The following CDK18 variants were observed in gnomAD, a reference collection of about 807,000 sequenced individuals.
CDK18 encodes cyclin-dependent kinase 18.
In CDK18, 52 loss-of-function variants were observed where a neutral mutation model predicts 62.0. The ratio of observed to expected loss-of-function variants is 0.84; its 90% CI spans 0.67 to 1.06. The LOEUF (loss-of-function observed/expected upper bound fraction) is 1.06, where lower values mean the gene tolerates loss of function less well. CDK18 is among the 50% of genes least tolerant of loss of function. The probability of loss-of-function intolerance (pLI) is 0.00; values close to 1 mark genes in which losing one functional copy is unlikely to be tolerated. For synonymous variants in CDK18, 237 were observed against 247.0 expected (o/e 0.96, Z 0.38); for missense variants, 604 against 619.9 (o/e 0.97, Z 0.27).
chr1:205,519,871 G>T (rs12404390), intron 1 of CDK18, among the ~76,000 whole-genome samples: 1 of 151,940 alleles, frequency 6.6e-6, no homozygotes, highest in Non-Finnish European at 1.5e-5. Flanking sequence ...GAGATTTATG[G>T]TTGCTACTTG....
intron 1 of CDK18, among the ~76,000 whole-genome samples, chr1:205,521,136 A>G (rs1267451589): frequency 6.6e-6 from 1 of 152,210 alleles, no homozygotes; most frequent in African/African-American, 2.4e-5. Context: ...TTTCTTGAGA[A>G]TGGGGACCAC....
At chr1:205,514,250 G>A (rs1442305803) in intron 1 of CDK18, among the ~76,000 whole-genome samples, 9 of 152,194 alleles carry the variant, frequency 5.9e-5, no homozygotes, top group Non-Finnish European at 1.3e-4. Flanking sequence ...GAGATGCAGA[G>A]GTCCCCATGG....
chr1:205,524,504 T>A, intron 4 of CDK18, 147 bp downstream of exon 4: 3 of 819,204 alleles, frequency 3.7e-6, no homozygotes, highest in Non-Finnish European at 3.9e-6. Context: ...TGCATTCAAC[T>A]AGCTCGTCCT....
rs1210404237 is a variant in CDK18 at position 205,525,009 on chromosome 1, G to A, written c.400-130G>A. 3 of 559,846 alleles carry A rather than the reference G, an allele frequency of 5.4e-6. No individual in the cohort carries two copies. The African/African-American group carries it at 5.6e-5, about 10-fold the overall frequency. The allele number at this position is 559,846 out of a possible 1,614,324, so 34.7% of individuals were successfully genotyped here. A position where few individuals can be genotyped will look rare whatever the true frequency, so the allele number is the denominator to read the frequency against. On this transcript the variant is annotated intron_variant, in intron 4 of 15. Transcript: ENST00000429964. ...CTCTGTCCTTTATCACAGGGATAAA[G>A]GGAAAAGGAGCCCCTTCCACCATGG...
intron 15 of CDK18, 66 bp from the exon 16 acceptor site, chr1:205,531,278 T>A (rs1213981890): frequency 2.0e-6 from 3 of 1,472,046 alleles, no homozygotes; most frequent in African/African-American, 1.4e-5. Flanking sequence ...CGACTGTCCC[T>A]GCTGACCTGG....
intron 1 of CDK18, among the ~76,000 whole-genome samples, chr1:205,505,448 A>C (rs1446005246): frequency 5.4e-5 from 7 of 129,958 alleles, no homozygotes; most frequent in African/African-American, 1.5e-4. Context: ...ACCCCGGAAG[A>C]CCAAAGGGGC....
At chr1:205,505,757 C>A (rs1194894659) in intron 1 of CDK18, among the ~76,000 whole-genome samples, 1 of 152,038 alleles carries the variant, frequency 6.6e-6, no homozygotes, top group Non-Finnish European at 1.5e-5. Context: ...GCTGCAGGGT[C>A]AGCACCCTCC....
At chr1:205,522,987 T>C (rs1668212182) in intron 1 of CDK18, 160 bp from the exon 2 acceptor site, 2 of 702,004 alleles carry the variant, frequency 2.8e-6, no homozygotes, top group African/African-American at 1.8e-5. Context: ...ACACCCACCC[T>C]CAGAGGGGTC....
At chr1:205,506,351 G>A (rs1238419147) in intron 1 of CDK18, among the ~76,000 whole-genome samples, 5 of 152,082 alleles carry the variant, frequency 3.3e-5, no homozygotes, top group African/African-American at 1.2e-4. Flanking sequence ...AATCTGGGGT[G>A]TACCTGACCA....
Position 205,528,955 on chromosome 1 carries a change from G to A in CDK18, c.975-44G>A, listed in dbSNP as rs1431016894. ...CTGGTGGAGCAGCCCTAGGAAGGGC[G>A]GCCGCCCCTGCCTGATGCCGACCCT... is the stretch of plus-strand genomic sequence containing the variant. On this transcript the variant is annotated intron_variant, in intron 10 of 15. Coordinates refer to ENST00000429964, the MANE Select transcript of CDK18 (RefSeq NM_212502.3). The surrounding 1 kb of genome is among the most constrained non-coding windows in gnomAD (Gnocchi z 4.2). 6 of 1,352,478 alleles carry A rather than the reference G, an allele frequency of 4.4e-6. No individual in the cohort carries two copies. Among genetic ancestry groups the A allele is most frequent in the Non-Finnish European group, 6.2e-6 (6 of 972,338 alleles). 83.8% of individuals were successfully genotyped at this position (1,352,478 alleles called of 1,614,324 possible). A position where few individuals can be genotyped will look rare whatever the true frequency, so the allele number is the denominator to read the frequency against.
chr1:205,510,220 G>A (rs1404574729), intron 1 of CDK18, among the ~76,000 whole-genome samples: 2 of 152,028 alleles, frequency 1.3e-5, no homozygotes, highest in Admixed American at 6.6e-5. Context: ...TTTTCTGCCT[G>A]GGGAGTCTCC....
Position 205,524,332 on chromosome 1 carries a change from G to A in CDK18, c.374G>A (p.Ser125Asn). Residue 125 changes from serine to asparagine, a missense_variant, in exon 4 of 16, where the codon AGC becomes AAC. Transcript: ENST00000429964. ...MESPDLPKPLSRMSRRASLSD... is the reference protein window; with the variant it reads ...MESPDLPKPLNRMSRRASLSD... ...AGCCCAGATCTGCCCAAGCCGCTCA[G>A]CCGCATGTCCCGCCGGGCCTCCCTG... 1 of 1,614,194 alleles carries A rather than the reference G, an allele frequency of 6.2e-7. No individual in the cohort carries two copies.
Position 205,524,232 on chromosome 1 carries a change from G to A in CDK18, c.274G>A (p.Asp92Asn). 1 of 1,614,186 alleles carries A rather than the reference G, an allele frequency of 6.2e-7. No individual in the cohort carries two copies. Among genetic ancestry groups the A allele is most frequent in the Non-Finnish European group, 8.5e-7 (1 of 1,180,020 alleles). Reference protein sequence around the residue: ...RQNQRRFSMEDVSKRLSLPMD... With the variant: ...RQNQRRFSMENVSKRLSLPMD... ...CCCCATCTCATCCCTGTCACCACAG[G>A]ACGTCAGCAAGAGGCTCTCTCTGCC... is the stretch of plus-strand genomic sequence containing the variant. Residue 92 changes from aspartate (D) to asparagine (N), a missense_variant and splice_region_variant, in exon 4 of 16, where the codon GAC (aspartate) becomes AAC (asparagine). Asp to Asn is a conservative substitution (Grantham distance 23, BLOSUM62 1). Coordinates refer to ENST00000429964, the MANE Select transcript of CDK18 (RefSeq NM_212502.3).
chr1:205,532,441 C>T lies in CDK18; in HGVS notation c.*1063C>T, dbSNP rs1293361386. Reference sequence around the variant, plus strand: ...GATCCCAATACCAGCTTCCCCCAGCCCCTGCCACCCCAGAGGGCGGCCACG... The same window carrying T: ...GATCCCAATACCAGCTTCCCCCAGCTCCTGCCACCCCAGAGGGCGGCCACG... On this transcript the variant is annotated 3_prime_UTR_variant, in exon 16 of 16. Transcript: ENST00000429964. 6.5e-6 allele frequency: 1 copy of T among 152,764 alleles called. No individual in the cohort carries two copies. The highest frequency in any genetic ancestry group is 1.5e-5 in the Non-Finnish European group (1 of 68,260). 9.5% of individuals were successfully genotyped at this position (152,764 alleles called of 1,614,324 possible).
In CDK18 at chr1:205,527,995, A is replaced by G. The variant is rs935929027; in HGVS notation, c.854-53A>G. 8.1e-6 allele frequency: 13 copies of G among 1,613,182 alleles called. No individual in the cohort carries two copies. Among genetic ancestry groups the G allele is most frequent in the Admixed American group, 1.7e-5 (1 of 59,970 alleles). Reference sequence around the variant, plus strand: ...TGGGTGCAGTGGGGGAGGGCATAGCAGTCAACCCCACAGCACCTGTGGACA... The same window carrying G: ...TGGGTGCAGTGGGGGAGGGCATAGCGGTCAACCCCACAGCACCTGTGGACA... On this transcript the variant is annotated intron_variant, in intron 9 of 15. Transcript: ENST00000429964. The surrounding 1 kb of genome is among the most constrained non-coding windows in gnomAD (Gnocchi z 4.1).
chr1:205,504,995 A>G, intron 1 of CDK18, 199 bp downstream of exon 1: 1 of 151,936 alleles, frequency 6.6e-6, no homozygotes, highest in Non-Finnish European at 1.5e-5. Flanking sequence ...TCTGTGTGAT[A>G]CTGTGTTGTG....
intron 1 of CDK18, chr1:205,522,941 C>T: frequency 1.8e-6 from 1 of 558,996 alleles, no homozygotes. Context: ...CTGAGGGTCA[C>T]TGGGAGGAAG....
At chr1:205,524,577 C>T (rs1464740364) in intron 4 of CDK18, among the ~76,000 whole-genome samples, 1 of 152,248 alleles carries the variant, frequency 6.6e-6, no homozygotes, top group Non-Finnish European at 1.5e-5. Flanking sequence ...TCTAAGCCCA[C>T]AGTGGGTCCC....
chr1:205,514,169 T>G (rs181921022), intron 1 of CDK18, among the ~76,000 whole-genome samples: 2 of 152,328 alleles, frequency 1.3e-5, no homozygotes, highest in East Asian at 1.9e-4. Flanking sequence ...TGCCTTGGGA[T>G]GTCAGAAAGC....
Sources: allele counts gnomAD v4.1 joint callset (sites outside exome capture counted in the v4.1 genomes callset), GRCh38; gene constraint gnomAD v4.1.1; non-coding constraint Gnocchi (gnomAD v3.1); transcripts MANE v1.5; gene names NCBI Gene and HGNC (gene_info 2026-07-23, HGNC 2026-07-21).